UIMC1: variants seen among roughly 807,000 people sequenced by gnomAD.
UIMC1 encodes the protein ubiquitin interaction motif containing 1.
Under a neutral mutation model 84.9 loss-of-function variants are expected in UIMC1, and 42 were observed. The observed-to-expected ratio is 0.49, with a 90% confidence interval of 0.39 to 0.64. UIMC1 has a LOEUF of 0.64. Among genes scored for constraint, UIMC1 ranks in the 30% least tolerant of loss-of-function variants. The probability of loss-of-function intolerance (pLI) is 0.00; values close to 1 mark genes in which losing one functional copy is unlikely to be tolerated. For synonymous variants in UIMC1, 281 were observed against 293.0 expected (o/e 0.96, Z 0.42); for missense variants, 825 against 847.6 (o/e 0.97, Z 0.33).
At chr5:177,021,436 A>C (rs562190813) in intron 1 of UIMC1, among the ~76,000 whole-genome samples, 1 of 152,210 alleles carries the variant, frequency 6.6e-6, no homozygotes, top group African/African-American at 2.4e-5. Flanking sequence ...TGGAAAAGTA[A>C]CATTTTAGAT....
chr5:176,998,710 T>C (rs1238314065), intron 1 of UIMC1, among the ~76,000 whole-genome samples: 3 of 151,738 alleles, frequency 2.0e-5, no homozygotes, highest in African/African-American at 7.3e-5. Flanking sequence ...GAGGTTGCGG[T>C]GAGCCAAGAT....
At chr5:176,957,395 G>A (rs1766738192) in intron 7 of UIMC1, among the ~76,000 whole-genome samples, 1 of 152,122 alleles carries the variant, frequency 6.6e-6, no homozygotes, top group Non-Finnish European at 1.5e-5. Flanking sequence ...GTAACTGGAA[G>A]CATGATCCAG....
chr5:177,002,269 G>T (rs1198571235), intron 1 of UIMC1, among the ~76,000 whole-genome samples: 1 of 152,106 alleles, frequency 6.6e-6, no homozygotes, highest in Non-Finnish European at 1.5e-5. Flanking sequence ...CTCCAGACTG[G>T]TGACAGTGAG....
intron 10 of UIMC1, chr5:176,919,363 TA>T (rs1761422710): frequency 6.0e-6 from 1 of 166,058 alleles, no homozygotes; most frequent in African/African-American, 2.4e-5. Context: ...ACTTTCTTGA[TA>T]GTGTCCTTTG....
rs141992126 is a variant in UIMC1 at position 176,976,723 on chromosome 5, G to T, written c.148-1243C>A. ...TCCATTTATAAGACATGCCCAGAAT[G>T]GGCAAATCCATATAGAAAGTAGATC... On this transcript the variant is annotated intron_variant, in intron 2 of 14. Coordinates refer to ENST00000511320, the MANE Select transcript of UIMC1 (RefSeq NM_001199298.2). Among the ~76,000 whole-genome samples the T allele has an allele frequency of 4.9e-3, 751 of 152,378 alleles. 8 individuals are homozygous for T. The highest frequency in any genetic ancestry group is 0.015 in the African/African-American group (612 of 41,594).
chr5:177,013,292 C>T (rs778036823), intron 1 of UIMC1, among the ~76,000 whole-genome samples: 56 of 150,044 alleles, frequency 3.7e-4, no homozygotes, highest in African/African-American at 4.9e-5. Context: ...ACTCAGGAGG[C>T]GGAGGTTGCA....
chr5:176,993,284 C>A (rs533578977), intron 1 of UIMC1, among the ~76,000 whole-genome samples: 10 of 152,088 alleles, frequency 6.6e-5, no homozygotes, highest in Non-Finnish European at 1.5e-4. Context: ...CTCCTAGACT[C>A]AAGCAATTCT....
chr5:176,924,075 T>C (rs991050298), intron 10 of UIMC1, among the ~76,000 whole-genome samples: 3 of 151,870 alleles, frequency 2.0e-5, no homozygotes, highest in African/African-American at 7.3e-5. Context: ...CCCAGCACTT[T>C]GGGGGGCCGA....
At chr5:176,982,101 G>A (rs1771141320) in intron 2 of UIMC1, among the ~76,000 whole-genome samples, 1 of 152,136 alleles carries the variant, frequency 6.6e-6, no homozygotes, top group Non-Finnish European at 1.5e-5. Flanking sequence ...GCTACAGATG[G>A]CTAGGTGCTA....
chr5:176,968,040 T>C (rs968102659), intron 6 of UIMC1, among the ~76,000 whole-genome samples: 2 of 152,302 alleles, frequency 1.3e-5, no homozygotes, highest in South Asian at 2.1e-4. Flanking sequence ...AGAGTCTTCA[T>C]TTTGTTCAAA....
intron 2 of UIMC1, among the ~76,000 whole-genome samples, chr5:176,978,215 C>T (rs980152190): frequency 2.0e-5 from 3 of 150,984 alleles, no homozygotes; most frequent in African/African-American, 7.3e-5. Context: ...ACTAAAAATA[C>T]AAAAAAAACT....
At chr5:177,005,983 T>C (rs1290564785) in intron 1 of UIMC1, among the ~76,000 whole-genome samples, 2 of 152,104 alleles carry the variant, frequency 1.3e-5, no homozygotes, top group African/African-American at 4.8e-5. Flanking sequence ...TCTAGGACGA[T>C]AGGGATCTCC....
chr5:176,958,367 T>C (rs1469065974), intron 6 of UIMC1, among the ~76,000 whole-genome samples: 1 of 152,250 alleles, frequency 6.6e-6, no homozygotes, highest in Non-Finnish European at 1.5e-5. Context: ...ACTTACTAAA[T>C]TTGTGATTGG....
rs907783537 is a variant in UIMC1, at chr5:176,948,650, T to C, written c.1443+2824A>G. Among the ~76,000 whole-genome samples the C allele has an allele frequency of 1.2e-4, 19 of 152,336 alleles. No individual in the cohort carries two copies. The East Asian group carries it at 3.7e-3, about 29-fold the overall frequency. On this transcript the variant is annotated intron_variant, in intron 9 of 14. Coordinates refer to ENST00000511320, the MANE Select transcript of UIMC1 (RefSeq NM_001199298.2). The stretch of plus-strand genomic sequence containing the variant: ...ACTGTTTTTCTTATTTATCTTTGTA[T>C]CCCAAGAGTCTAAAACAATGACTGG...
intron 1 of UIMC1, among the ~76,000 whole-genome samples, chr5:176,998,255 G>C (rs938567014): frequency 2.6e-5 from 4 of 151,942 alleles, no homozygotes; most frequent in African/African-American, 9.7e-5. Context: ...TCTGAGGTCA[G>C]GAGTTCGAGA....
intron 1 of UIMC1, among the ~76,000 whole-genome samples, chr5:176,988,025 C>T (rs1772281119): frequency 7.0e-6 from 1 of 142,778 alleles, no homozygotes; most frequent in Non-Finnish European, 1.5e-5. Flanking sequence ...TTGGGAGGCT[C>T]AAGTGGGAGG....
chr5:176,930,841 A>G (rs1581422795), intron 10 of UIMC1, among the ~76,000 whole-genome samples: 2 of 152,244 alleles, frequency 1.3e-5, no homozygotes, highest in South Asian at 4.1e-4. Context: ...TTCACCAGCA[A>G]AGAGTCTAAT....
At chr5:176,976,140 A>G (rs1770020487) in intron 2 of UIMC1, among the ~76,000 whole-genome samples, 1 of 152,086 alleles carries the variant, frequency 6.6e-6, no homozygotes, top group Non-Finnish European at 1.5e-5. Flanking sequence ...TAACCCCCAA[A>G]AAAATTTATT....
chr5:176,941,327 G>C (rs1764391508), intron 10 of UIMC1, among the ~76,000 whole-genome samples: 1 of 152,064 alleles, frequency 6.6e-6, no homozygotes, highest in African/African-American at 2.4e-5. Context: ...AAATAAAAAA[G>C]ACAAGTTGCA....
Sources: gnomAD v4.1 joint callset for allele counts (sites outside exome capture counted in the v4.1 genomes callset) on GRCh38, gnomAD v4.1.1 for gene constraint, MANE v1.5 for transcripts, NCBI Gene and HGNC (gene_info 2026-07-23, HGNC 2026-07-21) for gene names.